Variants in SPSB1 observed in about 807,000 individuals in gnomAD.
The protein encoded by SPSB1 is splA/ryanodine receptor domain and SOCS box containing 1.
A neutral mutation model predicts 21.2 loss-of-function variants in SPSB1; 8 were observed. The observed-to-expected ratio is 0.38, with a 90% CI of 0.22 to 0.68. The LOEUF is 0.68. Ranked by LOEUF, SPSB1 falls within the 30% of genes least tolerant of loss-of-function variation. SPSB1 has a pLI of 0.53. For synonymous variants in SPSB1, 169 were observed against 161.7 expected (o/e 1.05, Z -0.34); for missense variants, 242 against 377.8 (o/e 0.64, Z 2.98).
intron 1 of SPSB1, among the ~76,000 whole-genome samples, chr1:9,354,796 G>A (rs1156559465): frequency 4.3e-5 from 6 of 139,930 alleles, no homozygotes; most frequent in African/African-American, 8.0e-5. Context: ...GCAAGACTGC[G>A]TCTCAAAAAA....
At chr1:9,323,933 G>A (rs1412444937) in intron 1 of SPSB1, among the ~76,000 whole-genome samples, 5 of 152,160 alleles carry the variant, frequency 3.3e-5, no homozygotes, top group Non-Finnish European at 7.3e-5. Flanking sequence ...AATTCAGGGG[G>A]TCTTTTCCTG....
intron 1 of SPSB1, among the ~76,000 whole-genome samples, chr1:9,326,841 C>T (rs1039323274): frequency 7.2e-5 from 11 of 152,216 alleles, no homozygotes; most frequent in Admixed American, 7.2e-4. Flanking sequence ...GCCTCTGAGT[C>T]AAAACACAAA....
chr1:9,360,894 G>A (rs1008204861), intron 2 of SPSB1, among the ~76,000 whole-genome samples: 1 of 152,202 alleles, frequency 6.6e-6, no homozygotes, highest in African/African-American at 2.4e-5. Context: ...TCTCCATGAG[G>A]CCTTCCTCTC....
rs1029100027 is a variant in SPSB1, at chr1:9,338,258, C to G, written c.-149-17485C>G. Among the ~76,000 whole-genome samples the G allele has an allele frequency of 2.6e-5, 4 of 152,312 alleles. No individual in the cohort carries two copies. In the South Asian group the frequency reaches 8.3e-4, roughly 32 times the overall value. ...GGAGACCTGGGAGACAGCCAAGGCC[C>G]TGGCCGTGGGCTCCCCAGGACCCCT... On this transcript the variant is annotated intron_variant, in intron 1 of 2. Transcript: ENST00000328089.
chr1:9,350,122 A>C (rs1640233090), intron 1 of SPSB1, among the ~76,000 whole-genome samples: 1 of 151,870 alleles, frequency 6.6e-6, no homozygotes, highest in Non-Finnish European at 1.5e-5. Context: ...ACACACCCCT[A>C]CCACCCGCAC....
At position 9,324,416 on chromosome 1, in the gene SPSB1, G is replaced by A. The variant is rs1054195026; in HGVS notation, c.-149-31327G>A. Among the ~76,000 whole-genome samples, 4 of 152,108 alleles carry A rather than the reference G, an allele frequency of 2.6e-5. No individual in the cohort carries two copies. Among genetic ancestry groups the A allele is most frequent in the Admixed American group, 6.5e-5 (1 of 15,282 alleles). The stretch of plus-strand genomic sequence containing the variant: ...GGTCCTCAGTGAGGCTGTGATGAGC[G>A]TGGGGGCGTCTGGTGCCTGGGTGCA... On this transcript the variant is annotated intron_variant, in intron 1 of 2. Coordinates refer to ENST00000328089, the MANE Select transcript of SPSB1 (RefSeq NM_025106.4). This position sits in a 1 kb window ranked among gnomAD's most constrained non-coding sequence, Gnocchi z 4.3.
chr1:9,308,252 C>T (rs1446248349), intron 1 of SPSB1, among the ~76,000 whole-genome samples: 3 of 152,180 alleles, frequency 2.0e-5, no homozygotes, highest in African/African-American at 4.8e-5. Flanking sequence ...GCTGCAGTTG[C>T]CCTGACTGGT....
At chr1:9,300,762 T>C (rs1639314542) in intron 1 of SPSB1, among the ~76,000 whole-genome samples, 1 of 152,216 alleles carries the variant, frequency 6.6e-6, no homozygotes. Context: ...GAGCAGGTCC[T>C]GAAGGCACAA....
intron 1 of SPSB1, among the ~76,000 whole-genome samples, chr1:9,322,588 A>C (rs1020179866): frequency 6.6e-6 from 1 of 152,112 alleles, no homozygotes; most frequent in Admixed American, 6.5e-5. Flanking sequence ...TTTTCTTTCA[A>C]GCCCCTGAGA....
intron 1 of SPSB1, among the ~76,000 whole-genome samples, chr1:9,309,261 G>GGGGAGAGAGAGAGAGAGAGA (rs1491287377): frequency 6.8e-6 from 1 of 147,168 alleles, no homozygotes; most frequent in African/African-American, 2.6e-5. Flanking sequence ...GCTCCCCTGC[G>GGGGAGAGAGAGAGAGAGAGA]GAGAGAGAGA....
In SPSB1 at chr1:9,355,848, A is replaced by T; in HGVS notation, c.-44A>T. ...TGGAGACGAGACCACGAGATTGATG[A>T]GTTTGCCTTGGGAGTCGGTAAGAAG... On this transcript the variant is annotated 5_prime_UTR_variant, in exon 2 of 3. Coordinates refer to ENST00000328089, the MANE Select transcript of SPSB1 (RefSeq NM_025106.4). The T allele has an allele frequency of 6.6e-7, 1 of 1,517,078 alleles. No homozygotes were observed. Among genetic ancestry groups the T allele is most frequent in the Non-Finnish European group, 8.8e-7 (1 of 1,132,146 alleles). The allele number at this position is 1,517,078 out of a possible 1,614,324, so 94.0% of individuals were successfully genotyped here. A position where few individuals can be genotyped will look rare whatever the true frequency, so the allele number is the denominator to read the frequency against.
At chr1:9,307,063 G>A (rs1294289004) in intron 1 of SPSB1, among the ~76,000 whole-genome samples, 1 of 151,924 alleles carries the variant, frequency 6.6e-6, no homozygotes, top group Admixed American at 6.6e-5. Context: ...GGGTAGCTGG[G>A]ATTACAGGCA....
chr1:9,351,454 C>G (rs1293327813), intron 1 of SPSB1: 1 of 152,224 alleles, frequency 6.6e-6, no homozygotes, highest in Non-Finnish European at 1.5e-5. Context: ...ACTGTCTCCA[C>G]TGAGTTTTAG....
chr1:9,363,129 G>A lies in SPSB1; in HGVS notation c.695-4319G>A, dbSNP rs546273010. On this transcript the variant is annotated intron_variant, in intron 2 of 2. Coordinates refer to ENST00000328089, the MANE Select transcript of SPSB1 (RefSeq NM_025106.4). The surrounding 1 kb of genome is among the most constrained non-coding windows in gnomAD (Gnocchi z 4.5). ...CATTTTTTCACGGCACGAAGCCCACGTCTGTTTCTGTGGCCATGCATTCTT... is the reference window on the plus strand; with the variant it reads ...CATTTTTTCACGGCACGAAGCCCACATCTGTTTCTGTGGCCATGCATTCTT... Among the ~76,000 whole-genome samples, 39 of 152,312 alleles carry A rather than the reference G, an allele frequency of 2.6e-4. No individual in the cohort carries two copies. The highest frequency in any genetic ancestry group is 1.5e-3 in the Admixed American group (23 of 15,310).
At chr1:9,331,187 G>C (rs1019366210) in intron 1 of SPSB1, among the ~76,000 whole-genome samples, 6 of 152,056 alleles carry the variant, frequency 3.9e-5, no homozygotes, top group African/African-American at 1.4e-4. Flanking sequence ...AACGGTTCAT[G>C]GTGCAAACAT....
chr1:9,307,376 C>A (rs1335557228), intron 1 of SPSB1, among the ~76,000 whole-genome samples: 1 of 152,216 alleles, frequency 6.6e-6, no homozygotes, highest in Non-Finnish European at 1.5e-5. Flanking sequence ...GAAGGAAACC[C>A]CATCCACATT....
Position 9,367,265 on chromosome 1 carries a change from GGGTGGGCTCCT to G in SPSB1, c.695-177_695-167del, listed in dbSNP as rs1286108933. Among the ~76,000 whole-genome samples, 1 of 152,228 alleles carries G rather than the reference GGGTGGGCTCCT, an allele frequency of 6.6e-6. No individual in the cohort carries two copies. The highest frequency in any genetic ancestry group is 1.5e-5 in the Non-Finnish European group (1 of 68,040). On this transcript the variant is annotated intron_variant, in intron 2 of 2. Transcript: ENST00000328089. The surrounding 1 kb of genome is among the most constrained non-coding windows in gnomAD (Gnocchi z 5.9). ...AGGGCTCGCCCAGGTGCCCAGCCCA[GGGTGGGCTCCT>G]GGTGGCAGCTATTCACATGCTAAAT...
rs1639721538 is a variant in SPSB1, at chr1:9,321,478, G to A, written c.-150+28407G>A. Reference sequence around the variant, plus strand: ...TGGTGCCCGATAGAGAAGTGTCTCAGCAGTTCTGTTCTCCAGACCTTTACC... The same window carrying A: ...TGGTGCCCGATAGAGAAGTGTCTCAACAGTTCTGTTCTCCAGACCTTTACC... On this transcript the variant is annotated intron_variant, in intron 1 of 2. Coordinates refer to ENST00000328089, the MANE Select transcript of SPSB1 (RefSeq NM_025106.4). The surrounding 1 kb of genome is among the most constrained non-coding windows in gnomAD (Gnocchi z 4.8). Among the ~76,000 whole-genome samples, 1 of 152,144 alleles carries A rather than the reference G, an allele frequency of 6.6e-6. No homozygotes were observed. Among genetic ancestry groups the A allele is most frequent in the African/African-American group, 2.4e-5 (1 of 41,424 alleles).
chr1:9,361,156 CTTTTTT>C (rs57871457), intron 2 of SPSB1, among the ~76,000 whole-genome samples: 1,554 of 102,488 alleles, frequency 0.015, 31 homozygotes, highest in South Asian at 0.025. Flanking sequence ...CTGTCATTTT[CTTTTTT>C]TTTTTTTTTT....
Sources: gnomAD v4.1 joint callset for allele counts (sites outside exome capture counted in the v4.1 genomes callset) on GRCh38, gnomAD v4.1.1 for gene constraint, Gnocchi (gnomAD v3.1) non-coding constraint, MANE v1.5 for transcripts, NCBI Gene and HGNC (gene_info 2026-07-23, HGNC 2026-07-21) for gene names.